Variants in STOX1 observed in about 807,000 individuals in gnomAD.
STOX1 encodes the protein storkhead-box protein 1.
Under a neutral mutation model 74.8 loss-of-function variants are expected in STOX1, and 57 were observed. The observed-to-expected ratio is 0.76, with a 90% CI of 0.62 to 0.95. STOX1 has a LOEUF of 0.95. Ranked by LOEUF, STOX1 falls within the 40% of genes least tolerant of loss-of-function variation. The pLI is 0.00. For missense variants in STOX1, 1,010 were observed against 1,117.0 expected, an observed-to-expected ratio of 0.90 and a Z score of 1.37; for synonymous variants, 375 against 401.3, an observed-to-expected ratio of 0.93 and a Z score of 0.78.
At position 68,886,755 on chromosome 10, in the gene STOX1, C is replaced by T. The variant is rs551663227; in HGVS notation, c.2822+137C>T. 285 of 715,244 alleles carry T rather than the reference C, an allele frequency of 4.0e-4. No individual in the cohort carries two copies. In the African/African-American group the frequency reaches 4.3e-3, roughly 11 times the overall value. 44.3% of individuals were successfully genotyped at this position (715,244 alleles called of 1,614,324 possible). The stretch of plus-strand genomic sequence containing the variant: ...CATCCTGGCCAACATGGTGAAACCC[C>T]ATCTCTACTAAAAATACAACCAGGT... On this transcript the variant is annotated intron_variant, in intron 3 of 3. Coordinates refer to ENST00000298596, the MANE Select transcript of STOX1 (RefSeq NM_152709.5).
Position 68,885,677 on chromosome 10 carries a change from C to T in STOX1, c.1881C>T (p.His627=). Residue 627 remains histidine, a synonymous_variant, in exon 3 of 4, where the codon CAC becomes CAT. Coordinates refer to ENST00000298596, the MANE Select transcript of STOX1 (RefSeq NM_152709.5). ...AAGTCTTGAGGAAAAGTCATTCCCA[C>T]TTTGACAAATTAGGGGAGACCAAAC... ...IPEVLRKSHS[H]FDKLGETKQT... 1 of 1,614,172 alleles carries T rather than the reference C, an allele frequency of 6.2e-7. No homozygotes were observed. Among genetic ancestry groups the T allele is most frequent in the Non-Finnish European group, 8.5e-7 (1 of 1,180,046 alleles).
At chr10:68,887,022 C>T (rs1042690372) in intron 3 of STOX1, among the ~76,000 whole-genome samples, 1 of 152,154 alleles carries the variant, frequency 6.6e-6, no homozygotes, top group Non-Finnish European at 1.5e-5. Flanking sequence ...TACTATCACA[C>T]TTCTATAATG....
rs201409019 is a variant in STOX1, at chr10:68,884,431, G to A, written c.635G>A (p.Arg212His). The stretch of plus-strand genomic sequence containing the variant: ...AGAATGCTGCCATCAGATGAAAGTC[G>A]CCTGATGCCAGCTTCCATGACATAT... ...NKRMLPSDES[R>H]LMPASMTYLV... The change falls in exon 3 of 4, where the codon CGC becomes CAC. Residue 212 changes from arginine to histidine, a missense_variant. Transcript: ENST00000298596. 11 of 1,613,820 alleles carry A rather than the reference G, an allele frequency of 6.8e-6. No individual in the cohort carries two copies. The highest frequency in any genetic ancestry group is 4.5e-5 in the East Asian group (2 of 44,886).
chr10:68,862,102 C>T (rs938256763), intron 1 of STOX1, among the ~76,000 whole-genome samples: 2 of 152,036 alleles, frequency 1.3e-5, no homozygotes, highest in Non-Finnish European at 2.9e-5. Flanking sequence ...CGTTTAGTTA[C>T]AAAATCTGCT....
intron 1 of STOX1, among the ~76,000 whole-genome samples, chr10:68,873,885 G>A (rs779120363): frequency 6.6e-5 from 10 of 150,736 alleles, no homozygotes; most frequent in Non-Finnish European, 1.0e-4. Flanking sequence ...CCCTGACCTC[G>A]TGATCCACCC....
rs1400857274 is a variant in STOX1 at position 68,852,404 on chromosome 10, G to A, written c.310+24471G>A. On this transcript the variant is annotated intron_variant, in intron 1 of 3. Coordinates refer to ENST00000298596, the MANE Select transcript of STOX1 (RefSeq NM_152709.5). The stretch of plus-strand genomic sequence containing the variant: ...CTCCCGAGTAGCTGGGACTACAGGC[G>A]CCCGCCACCGCACCCGGCTAATTTT... Among the ~76,000 whole-genome samples, 275 of 149,158 alleles carry A rather than the reference G, an allele frequency of 1.8e-3. 5 individuals are homozygous for A. The highest frequency in any genetic ancestry group is 6.4e-3 in the African/African-American group (259 of 40,436).
intron 1 of STOX1, among the ~76,000 whole-genome samples, chr10:68,833,212 A>G (rs1453557391): frequency 6.6e-6 from 1 of 150,908 alleles, no homozygotes; most frequent in East Asian, 2.0e-4. Context: ...CAGCCTCCCG[A>G]GTAGCTGGGA....
chr10:68,869,498 TTTAG>T (rs372805071), intron 1 of STOX1, among the ~76,000 whole-genome samples: 7 of 152,120 alleles, frequency 4.6e-5, no homozygotes, highest in Admixed American at 1.3e-4. Flanking sequence ...CACTGAGCAT[TTTAG>T]TTAGTCTTAA....
chr10:68,854,325 T>A (rs1192596544), intron 1 of STOX1, among the ~76,000 whole-genome samples: 1 of 151,364 alleles, frequency 6.6e-6, no homozygotes, highest in East Asian at 2.0e-4. Flanking sequence ...AAGGTCTCTT[T>A]CTGTCACCCA....
chr10:68,881,934 C>T, intron 1 of STOX1, 24 bp from the exon 2 acceptor site: 1 of 1,611,854 alleles, frequency 6.2e-7, no homozygotes, highest in Non-Finnish European at 8.5e-7. Flanking sequence ...CCCCCTCCCC[C>T]TTTTTTTTAA....
intron 2 of STOX1, 137 bp from the exon 3 acceptor site, chr10:68,884,123 C>A (rs1295282836): frequency 2.0e-5 from 16 of 795,280 alleles, no homozygotes; most frequent in Non-Finnish European, 3.1e-5. Flanking sequence ...CCATCCCTGG[C>A]ATTTTAATCA....
At chr10:68,855,589 A>C (rs1840102540) in intron 1 of STOX1, among the ~76,000 whole-genome samples, 2 of 151,546 alleles carry the variant, frequency 1.3e-5, no homozygotes, top group African/African-American at 4.9e-5. Flanking sequence ...GATGTACACC[A>C]CCAAGCCAGG....
chr10:68,871,488 C>T (rs1265565449), intron 1 of STOX1, among the ~76,000 whole-genome samples: 1 of 152,236 alleles, frequency 6.6e-6, no homozygotes, highest in African/African-American at 2.4e-5. Context: ...CTCATCTTCC[C>T]AAGGGAAGCC....
intron 1 of STOX1, among the ~76,000 whole-genome samples, chr10:68,850,978 AAAATT>A (rs1357056930): frequency 6.6e-6 from 1 of 151,722 alleles, no homozygotes; most frequent in Non-Finnish European, 1.5e-5. Flanking sequence ...TCTCAAGAAA[AAAATT>A]AAAAAACCAG....
downstream of STOX1, among the ~76,000 whole-genome samples, chr10:68,894,816 G>A (rs565440007): frequency 6.6e-6 from 1 of 152,268 alleles, no homozygotes; most frequent in Non-Finnish European, 1.5e-5. Context: ...GCCTCGACCT[G>A]TTGGACTGAA....
In STOX1 at chr10:68,853,595, T is replaced by C. The variant is rs149295955; in HGVS notation, c.310+25662T>C. Among the ~76,000 whole-genome samples, 40 of 152,248 alleles carry C rather than the reference T, an allele frequency of 2.6e-4. 1 individual carries two copies. The highest frequency in any genetic ancestry group is 9.2e-4 in the African/African-American group (38 of 41,490). ...TTGAAACTGACCTGAATGGCAGGGC[T>C]TTTCAGGCTGAGTCAGGGTCATAAG... On this transcript the variant is annotated intron_variant, in intron 1 of 3. Transcript: ENST00000298596.
intron 1 of STOX1, among the ~76,000 whole-genome samples, chr10:68,870,142 ATTTAT>A (rs1206982161): frequency 6.6e-6 from 1 of 152,064 alleles, no homozygotes; most frequent in African/African-American, 2.4e-5. Context: ...TTAAATTTTT[ATTTAT>A]TTTATTTTTT....
chr10:68,852,369 C>G (rs1258410865), intron 1 of STOX1, among the ~76,000 whole-genome samples: 2 of 149,134 alleles, frequency 1.3e-5, no homozygotes, highest in Non-Finnish European at 3.0e-5. Flanking sequence ...CGCCATTCTC[C>G]TGCCTCAGCC....
chr10:68,845,662 C>T (rs778842685), intron 1 of STOX1, among the ~76,000 whole-genome samples: 1 of 151,288 alleles, frequency 6.6e-6, no homozygotes, highest in Non-Finnish European at 1.5e-5. Flanking sequence ...AGTGCAGTGG[C>T]AAGATCTTGG....
Sources: allele counts gnomAD v4.1 joint callset (sites outside exome capture counted in the v4.1 genomes callset), GRCh38; gene constraint gnomAD v4.1.1; transcripts MANE v1.5; gene names NCBI Gene and HGNC (gene_info 2026-07-23, HGNC 2026-07-21).